Variants in GNB4 observed in about 807,000 individuals in gnomAD.
The protein encoded by GNB4 is G protein subunit beta 4.
GNB4 carries 28 observed loss-of-function variants against 45.2 expected under a neutral mutation model. That is an observed-to-expected ratio of 0.62 (90% CI 0.46 to 0.85). The LOEUF (loss-of-function observed/expected upper bound fraction) is 0.85, where lower values mean the gene tolerates loss of function less well. Ranked by LOEUF, GNB4 falls within the 40% of genes least tolerant of loss-of-function variation. The pLI, the probability that GNB4 is intolerant of heterozygous loss-of-function variation, is 0.00. For synonymous variants in GNB4, 132 were observed against 143.7 expected, an observed-to-expected ratio of 0.92 and a Z score of 0.58; for missense variants, 321 against 425.4, an observed-to-expected ratio of 0.75 and a Z score of 2.16.
chr3:179,406,421 G>T (rs759501402), intron 8 of GNB4, among the ~76,000 whole-genome samples: 2 of 152,082 alleles, frequency 1.3e-5, no homozygotes, highest in Non-Finnish European at 2.9e-5. Context: ...AAATTATTGG[G>T]TCACAGTATT....
chr3:179,469,352 A>G, the GNB4 span, among the ~76,000 whole-genome samples: 6 of 152,200 alleles, frequency 3.9e-5, no homozygotes, highest in East Asian at 1.2e-3. Context: ...TTATTTGTCA[A>G]TTATACCACA....
chr3:179,405,672 A>G (rs1714448067), intron 8 of GNB4: 1 of 355,748 alleles, frequency 2.8e-6, no homozygotes. Context: ...CTGGTTCTCC[A>G]TATGTCATGT....
chr3:179,488,356 A>T, the GNB4 span, among the ~76,000 whole-genome samples: 1 of 152,148 alleles, frequency 6.6e-6, no homozygotes, highest in East Asian at 1.9e-4. Flanking sequence ...TTCAGTATGC[A>T]TGTTTAGGAC....
chr3:179,497,933 T>G, the GNB4 span, among the ~76,000 whole-genome samples: 4 of 152,198 alleles, frequency 2.6e-5, no homozygotes, highest in Admixed American at 2.6e-4. Context: ...GAATCTTATG[T>G]GCCGTTGATA....
chr3:179,423,984 G>A (rs1392430040), intron 2 of GNB4, among the ~76,000 whole-genome samples: 1 of 151,852 alleles, frequency 6.6e-6, no homozygotes, highest in Admixed American at 6.6e-5. Flanking sequence ...ACAAGTCGCA[G>A]GAAAGGAGAT....
chr3:179,494,927 A>G, the GNB4 span, among the ~76,000 whole-genome samples: 1 of 150,968 alleles, frequency 6.6e-6, no homozygotes, highest in Non-Finnish European at 1.5e-5. Flanking sequence ...AAAAAAAAAA[A>G]AAAAGGAAGG....
At chr3:179,404,488 A>G (rs1714404444) in intron 9 of GNB4, among the ~76,000 whole-genome samples, 1 of 152,082 alleles carries the variant, frequency 6.6e-6, no homozygotes, top group Non-Finnish European at 1.5e-5. Flanking sequence ...GCGGGAAGAA[A>G]CCAACCTTAG....
At chr3:179,434,770 G>A (rs1715401156) in intron 1 of GNB4, among the ~76,000 whole-genome samples, 2 of 151,758 alleles carry the variant, frequency 1.3e-5, no homozygotes, top group South Asian at 2.1e-4. Flanking sequence ...CAAGCTGGAT[G>A]CAGTGGAGTG....
chr3:179,495,667 G>GGAAGGAAA, the GNB4 span, among the ~76,000 whole-genome samples: 3 of 149,824 alleles, frequency 2.0e-5, no homozygotes, highest in African/African-American at 4.9e-5. Flanking sequence ...AGGAAGGAAG[G>GGAAGGAAA]GAAGGAAAGA....
the GNB4 span, among the ~76,000 whole-genome samples, chr3:179,466,549 G>A: frequency 1.3e-5 from 2 of 152,172 alleles, no homozygotes; most frequent in African/African-American, 4.8e-5. Context: ...AAGAAATTTA[G>A]AGAGTTTGCT....
chr3:179,481,007 C>T, the GNB4 span, among the ~76,000 whole-genome samples: 2,137 of 152,026 alleles, frequency 0.014, 25 homozygotes, highest in South Asian at 0.055. Flanking sequence ...CCCGCCACCA[C>T]GCCCGGCTAA....
In GNB4 at chr3:179,426,234, T is replaced by G; in HGVS notation, c.-34A>C. The G allele has an allele frequency of 6.7e-7, 1 of 1,483,486 alleles. No individual in the cohort carries two copies. The highest frequency in any genetic ancestry group is 9.2e-7 in the Non-Finnish European group (1 of 1,088,746). 91.9% of individuals were successfully genotyped at this position (1,483,486 alleles called of 1,614,324 possible). Reference sequence around the variant, plus strand: ...TTTGTTTACCTCAGGAGCTAATGAGTGAAAACAGCTGTTAAAAAACAGAGA... The same window carrying G: ...TTTGTTTACCTCAGGAGCTAATGAGGGAAAACAGCTGTTAAAAAACAGAGA... On this transcript the variant is annotated 5_prime_UTR_variant, in exon 2 of 10. Transcript: ENST00000232564.
the GNB4 span, among the ~76,000 whole-genome samples, chr3:179,525,036 A>T: frequency 6.6e-6 from 1 of 152,220 alleles, no homozygotes; most frequent in South Asian, 2.1e-4. Flanking sequence ...TCTGTAGAAA[A>T]GGAGGATTCA....
the GNB4 span, among the ~76,000 whole-genome samples, chr3:179,485,000 G>GTT: frequency 8.1e-6 from 1 of 124,222 alleles, no homozygotes; most frequent in African/African-American, 3.3e-5. Flanking sequence ...AACTTTTTTC[G>GTT]TTTTGTTTTT....
the GNB4 span, among the ~76,000 whole-genome samples, chr3:179,474,996 T>C: frequency 1.3e-5 from 2 of 152,106 alleles, no homozygotes; most frequent in South Asian, 4.1e-4. Context: ...CGAGGGGGCC[T>C]GAATTTGGCA....
chr3:179,423,377 G>C (rs1311097500), intron 2 of GNB4, among the ~76,000 whole-genome samples: 1 of 152,218 alleles, frequency 6.6e-6, no homozygotes, highest in Non-Finnish European at 1.5e-5. Flanking sequence ...TCTGCCACTT[G>C]CTGGCAGCAG....
At chr3:179,488,899 G>A in the GNB4 span, among the ~76,000 whole-genome samples, 3 of 146,458 alleles carry the variant, frequency 2.0e-5, no homozygotes, top group Non-Finnish European at 4.5e-5. Flanking sequence ...CAGGAGGATC[G>A]CTTGAATCTG....
chr3:179,474,453 C>T, the GNB4 span, among the ~76,000 whole-genome samples: 19 of 152,138 alleles, frequency 1.2e-4, no homozygotes, highest in African/African-American at 3.9e-4. Flanking sequence ...TGAACTCCTG[C>T]CCTTGAGTGA....
At chr3:179,475,718 C>T in the GNB4 span, among the ~76,000 whole-genome samples, 8 of 152,112 alleles carry the variant, frequency 5.3e-5, no homozygotes, top group African/African-American at 9.6e-5. Context: ...GTGATCTGCC[C>T]GCCTCAGCCT....
Sources: allele counts gnomAD v4.1 joint callset (sites outside exome capture counted in the v4.1 genomes callset), GRCh38; gene constraint gnomAD v4.1.1; transcripts MANE v1.5; gene names NCBI Gene and HGNC (gene_info 2026-07-23, HGNC 2026-07-21).